The following MDGA2 variants were observed in gnomAD, a reference collection of about 807,000 sequenced individuals.
MDGA2 encodes the protein MAM domain containing glycosylphosphatidylinositol anchor 2, also known as MAM domain-containing glycosylphosphatidylinositol anchor protein 2.
In MDGA2, 40 loss-of-function variants were observed where a neutral mutation model predicts 117.8. That is an observed-to-expected ratio of 0.34 (90% confidence interval 0.26 to 0.44). The LOEUF (loss-of-function observed/expected upper bound fraction) is 0.44. Ranked by LOEUF, MDGA2 falls within the 20% of genes least tolerant of loss-of-function variation. MDGA2 has a pLI of 1.00. For synonymous variants in MDGA2, 452 were observed against 439.0 expected (o/e 1.03, Z -0.37); for missense variants, 1,123 against 1,250.6 (o/e 0.90, Z 1.54).
intron 2 of MDGA2, among the ~76,000 whole-genome samples, chr14:47,269,768 C>A (rs184064879): frequency 6.6e-6 from 1 of 152,230 alleles, no homozygotes; most frequent in African/African-American, 2.4e-5. Flanking sequence ...GAGAAAAATT[C>A]AGTAGAAATA....
At chr14:47,608,703 A>G (rs12586586) in intron 1 of MDGA2, among the ~76,000 whole-genome samples, 8,179 of 152,194 alleles carry the variant, frequency 0.054, 581 homozygotes, top group East Asian at 0.3. Context: ...TAAGCAGCTG[A>G]AAGATGTAAA....
intron 1 of MDGA2, among the ~76,000 whole-genome samples, chr14:47,554,108 T>C (rs531533242): frequency 1.3e-5 from 2 of 152,322 alleles, no homozygotes; most frequent in South Asian, 2.1e-4. Context: ...TCTGGATGCC[T>C]ATGTCCTGGA....
At chr14:47,444,970 A>G (rs968152429) in intron 1 of MDGA2, among the ~76,000 whole-genome samples, 1 of 152,214 alleles carries the variant, frequency 6.6e-6, no homozygotes, top group Non-Finnish European at 1.5e-5. Flanking sequence ...GAAATGTACA[A>G]TGATGCATTT....
intron 1 of MDGA2, among the ~76,000 whole-genome samples, chr14:47,469,270 A>C (rs1189811462): frequency 6.6e-6 from 1 of 151,936 alleles, no homozygotes; most frequent in East Asian, 1.9e-4. Flanking sequence ...CTCATCATTT[A>C]ACATTAGGTA....
chr14:47,313,264 C>G (rs1197134361), intron 1 of MDGA2, among the ~76,000 whole-genome samples: 1 of 151,218 alleles, frequency 6.6e-6, no homozygotes, highest in Admixed American at 6.6e-5. Flanking sequence ...TCAAAATGTA[C>G]TTTCTTTTTA....
intron 1 of MDGA2, among the ~76,000 whole-genome samples, chr14:47,363,501 G>A (rs1312692396): frequency 6.6e-6 from 1 of 151,924 alleles, no homozygotes; most frequent in Non-Finnish European, 1.5e-5. Flanking sequence ...CAAGTGATTC[G>A]CACACCTCAG....
intron 1 of MDGA2, among the ~76,000 whole-genome samples, chr14:47,469,036 GA>G (rs1486982596): frequency 1.3e-5 from 2 of 151,946 alleles, no homozygotes; most frequent in African/African-American, 2.4e-5. Flanking sequence ...AAAGAAATAT[GA>G]AAATTATATA....
intron 8 of MDGA2, among the ~76,000 whole-genome samples, chr14:46,970,758 T>C (rs1327125226): frequency 6.6e-6 from 1 of 152,130 alleles, no homozygotes; most frequent in Non-Finnish European, 1.5e-5. Flanking sequence ...ACTGACAACC[T>C]GCTGAATGGG....
chr14:47,061,334 A>C lies in MDGA2; in HGVS notation c.1440T>G (p.Asp480Glu). 1 of 1,613,546 alleles carries C rather than the reference A, an allele frequency of 6.2e-7. No homozygotes were observed. The highest frequency in any genetic ancestry group is 8.5e-7 in the Non-Finnish European group (1 of 1,179,622). Reference protein sequence around the residue: ...NLDIIDLKFTDFGTYTCVASL... With the variant: ...NLDIIDLKFTEFGTYTCVASL... ...ATGCTACACATGTGTACGTCCCAAA[A>C]TCCGTGAATTTTAAATCAATGATGT... is the stretch of plus-strand genomic sequence containing the variant. Residue 480 changes from aspartate (D) to glutamate (E), a missense_variant, in exon 7 of 17, where the codon GAT (aspartate) becomes GAG (glutamate). Asp to Glu is a conservative substitution (Grantham distance 45). Around this residue, in one of 2 missense-constraint regions of MDGA2, gnomAD observed 890 missense variants for 1,050.3 expected, o/e 0.85. Transcript: ENST00000399232.
At chr14:47,320,339 G>A (rs1889943980) in intron 1 of MDGA2, among the ~76,000 whole-genome samples, 1 of 152,054 alleles carries the variant, frequency 6.6e-6, no homozygotes, top group East Asian at 1.9e-4. Flanking sequence ...CTACGATCGT[G>A]CCACTGCAAC....
At chr14:47,418,559 C>T (rs1327570523) in intron 1 of MDGA2, among the ~76,000 whole-genome samples, 1 of 152,098 alleles carries the variant, frequency 6.6e-6, no homozygotes, top group Non-Finnish European at 1.5e-5. Flanking sequence ...GGTCCTAATT[C>T]CATTTATCGG....
intron 7 of MDGA2, among the ~76,000 whole-genome samples, chr14:47,037,847 G>C (rs1888912343): frequency 6.6e-6 from 1 of 152,186 alleles, no homozygotes; most frequent in Non-Finnish European, 1.5e-5. Flanking sequence ...GTTATTACTT[G>C]AAATATACAA....
chr14:47,476,441 T>A (rs1481520562), intron 1 of MDGA2, among the ~76,000 whole-genome samples: 3 of 152,106 alleles, frequency 2.0e-5, no homozygotes, highest in African/African-American at 7.2e-5. Context: ...AGAAATTTGT[T>A]AAGGAAATGA....
intron 1 of MDGA2, among the ~76,000 whole-genome samples, chr14:47,513,288 T>C: frequency 6.6e-6 from 1 of 152,166 alleles, no homozygotes; most frequent in East Asian, 1.9e-4. Flanking sequence ...ATATGGCTGA[T>C]ACTGTAGTGA....
At chr14:47,065,529 A>T (rs1380038205) in intron 6 of MDGA2, among the ~76,000 whole-genome samples, 3 of 152,198 alleles carry the variant, frequency 2.0e-5, no homozygotes, top group African/African-American at 7.2e-5. Context: ...CCTTCAGAGA[A>T]GTCTAGGCTT....
At chr14:47,399,420 G>A (rs1416392150) in intron 1 of MDGA2, among the ~76,000 whole-genome samples, 1 of 152,176 alleles carries the variant, frequency 6.6e-6, no homozygotes, top group Non-Finnish European at 1.5e-5. Flanking sequence ...AAGAGAGAAT[G>A]AGGAATAATT....
intron 1 of MDGA2, among the ~76,000 whole-genome samples, chr14:47,468,582 G>C (rs1056606621): frequency 2.0e-5 from 3 of 152,098 alleles, no homozygotes; most frequent in Non-Finnish European, 4.4e-5. Flanking sequence ...TAATAAGTCA[G>C]CGAACACAAA....
At chr14:46,922,450 T>C (rs1884169995) in intron 9 of MDGA2, among the ~76,000 whole-genome samples, 1 of 152,176 alleles carries the variant, frequency 6.6e-6, no homozygotes, top group Non-Finnish European at 1.5e-5. Flanking sequence ...ATTTGATATG[T>C]TAACTAATTT....
intron 7 of MDGA2, among the ~76,000 whole-genome samples, chr14:47,043,199 C>G (rs935345999): frequency 1.3e-5 from 2 of 151,986 alleles, no homozygotes; most frequent in African/African-American, 4.8e-5. Context: ...GCTAGACATT[C>G]CTCATTTATT....
Sources: allele counts gnomAD v4.1 joint callset (sites outside exome capture counted in the v4.1 genomes callset), GRCh38; gene constraint gnomAD v4.1.1; regional missense constraint gnomAD v4.1.1; transcripts MANE v1.5; gene names NCBI Gene and HGNC (gene_info 2026-07-23, HGNC 2026-07-21).